Variants in PRKN observed in about 807,000 individuals in gnomAD.
PRKN encodes E3 ubiquitin-protein ligase parkin.
In PRKN, 56 loss-of-function variants were observed where a neutral mutation model predicts 59.5. That is an observed-to-expected ratio of 0.94 (90% CI 0.76 to 1.18). The LOEUF is 1.18. Among genes scored for constraint, PRKN ranks in the 50% most tolerant of loss-of-function variants. The pLI is 0.00. For missense variants in PRKN, 657 were observed against 596.4 expected, an observed-to-expected ratio of 1.10 and a Z score of -1.06; for synonymous variants, 250 against 222.1, an observed-to-expected ratio of 1.13 and a Z score of -1.12.
At chr6:162,715,667 C>A (rs181915388) in intron 1 of PRKN, among the ~76,000 whole-genome samples, 42 of 152,254 alleles carry the variant, frequency 2.8e-4, no homozygotes, top group Non-Finnish European at 4.9e-4. Context: ...TAAGATTGAG[C>A]GGTTCCTCAT....
At chr6:161,933,685 G>C (rs2128241413) in intron 6 of PRKN, among the ~76,000 whole-genome samples, 1 of 151,688 alleles carries the variant, frequency 6.6e-6, no homozygotes, top group East Asian at 2.0e-4. Context: ...GACATTTCAG[G>C]GAACCCCAGA....
At chr6:162,384,881 G>A (rs1442352508) in intron 2 of PRKN, among the ~76,000 whole-genome samples, 1 of 152,060 alleles carries the variant, frequency 6.6e-6, no homozygotes, top group African/African-American at 2.4e-5. Context: ...GGCATCAGAG[G>A]CAGCATTACA....
chr6:162,228,116 G>A (rs931240992), intron 3 of PRKN, among the ~76,000 whole-genome samples: 5 of 152,098 alleles, frequency 3.3e-5, no homozygotes, highest in African/African-American at 4.8e-5. Context: ...TGGGCATAAA[G>A]CAAATTACAA....
At chr6:162,071,794 A>T (rs1420432129) in intron 4 of PRKN, among the ~76,000 whole-genome samples, 2 of 151,888 alleles carry the variant, frequency 1.3e-5, no homozygotes, top group East Asian at 3.9e-4. Context: ...ATGGGGTTTT[A>T]CCATGTTGGC....
chr6:162,098,222 A>C (rs779442860), intron 4 of PRKN, among the ~76,000 whole-genome samples: 23 of 152,170 alleles, frequency 1.5e-4, no homozygotes, highest in Non-Finnish European at 2.8e-4. Context: ...TGTCAACTGC[A>C]AAACACTATT....
At chr6:162,152,699 TA>T in intron 4 of PRKN, among the ~76,000 whole-genome samples, 1 of 152,252 alleles carries the variant, frequency 6.6e-6, no homozygotes, top group East Asian at 1.9e-4. Context: ...AATTTCCCAA[TA>T]TTGTCAAGGA....
At chr6:162,134,040 G>A (rs1053126667) in intron 4 of PRKN, among the ~76,000 whole-genome samples, 1 of 152,204 alleles carries the variant, frequency 6.6e-6, no homozygotes, top group African/African-American at 2.4e-5. Context: ...ACAAGATTCT[G>A]TCTGATACGA....
At chr6:161,668,241 AGAAGAAACAGGTTTTTCATATAAAG>A in intron 7 of PRKN, among the ~76,000 whole-genome samples, 1 of 151,248 alleles carries the variant, frequency 6.6e-6, no homozygotes, top group South Asian at 2.1e-4. Context: ...AAAAAAAAAA[AGAAGAAACAGGTTTTTCATATAAAG>A]AAAAAAAAAA....
intron 1 of PRKN, among the ~76,000 whole-genome samples, chr6:162,641,940 TCAAA>T (rs1172148282): frequency 6.6e-6 from 1 of 152,126 alleles, no homozygotes; most frequent in Non-Finnish European, 1.5e-5. Flanking sequence ...ATTTGTTTCC[TCAAA>T]CACTCTATAG....
chr6:161,463,946 T>G lies in PRKN; in HGVS notation c.1084-77069A>C, dbSNP rs925000717. The stretch of plus-strand genomic sequence containing the variant: ...CATCAACATACAGAGACCTTTAGGG[T>G]TTTTTTTGTTTTTGTTTTTGTTTTT... On this transcript the variant is annotated intron_variant, in intron 9 of 11. Coordinates refer to ENST00000366898, the MANE Select transcript of PRKN (RefSeq NM_004562.3). This position sits in a 1 kb window ranked among gnomAD's most constrained non-coding sequence, Gnocchi z 4.8. Among the ~76,000 whole-genome samples, 1 of 151,738 alleles carries G rather than the reference T, an allele frequency of 6.6e-6. No homozygotes were observed. The highest frequency in any genetic ancestry group is 1.5e-5 in the Non-Finnish European group (1 of 67,950).
intron 2 of PRKN, among the ~76,000 whole-genome samples, chr6:162,428,292 G>A (rs575393466): frequency 6.6e-6 from 1 of 152,048 alleles, no homozygotes; most frequent in Non-Finnish European, 1.5e-5. Context: ...ACCTCATCTT[G>A]ACTGAGAATG....
intron 6 of PRKN, among the ~76,000 whole-genome samples, chr6:161,906,234 A>AT (rs1391543237): frequency 6.6e-6 from 1 of 152,150 alleles, no homozygotes; most frequent in Admixed American, 6.5e-5. Flanking sequence ...ATCATGGTAT[A>AT]TTTTTTGAAA....
intron 1 of PRKN, among the ~76,000 whole-genome samples, chr6:162,518,521 C>T (rs1287878305): frequency 6.6e-6 from 1 of 152,032 alleles, no homozygotes; most frequent in Non-Finnish European, 1.5e-5. Flanking sequence ...CGGGTGCCAC[C>T]ACGTATGGCT....
chr6:162,170,998 C>T (rs2023080), intron 4 of PRKN, among the ~76,000 whole-genome samples: 141,688 of 152,166 alleles, frequency 0.93, 66,359 homozygotes, highest in Middle Eastern at 0.98. Context: ...ATTGAACATA[C>T]ACTATGAGTG....
intron 9 of PRKN, among the ~76,000 whole-genome samples, chr6:161,485,226 G>C (rs764532899): frequency 2.0e-5 from 3 of 152,174 alleles, no homozygotes; most frequent in Non-Finnish European, 4.4e-5. Flanking sequence ...GATTTAATTT[G>C]GTAGGCTAGG....
At chr6:162,338,619 C>T (rs998614550) in intron 2 of PRKN, among the ~76,000 whole-genome samples, 7 of 152,014 alleles carry the variant, frequency 4.6e-5, no homozygotes, top group African/African-American at 1.7e-4. Context: ...CACCTCCCAG[C>T]CGCCTGCCTT....
At chr6:162,008,081 T>C (rs1474555977) in intron 5 of PRKN, among the ~76,000 whole-genome samples, 1 of 152,152 alleles carries the variant, frequency 6.6e-6, no homozygotes, top group African/African-American at 2.4e-5. Context: ...CATAACTGGA[T>C]TACCTAAGAC....
intron 7 of PRKN, among the ~76,000 whole-genome samples, chr6:161,774,732 T>C (rs1029302101): frequency 2.0e-5 from 3 of 152,218 alleles, no homozygotes; most frequent in African/African-American, 4.8e-5. Context: ...ATCTTGACCC[T>C]GTTCAGCCAC....
intron 7 of PRKN, among the ~76,000 whole-genome samples, chr6:161,722,416 A>C (rs529004511): frequency 1.3e-5 from 2 of 152,274 alleles, no homozygotes; most frequent in African/African-American, 4.8e-5. Context: ...CTGTATTATA[A>C]TTTAGTTAGC....
Sources: allele counts gnomAD v4.1 joint callset (sites outside exome capture counted in the v4.1 genomes callset), GRCh38; gene constraint gnomAD v4.1.1; non-coding constraint Gnocchi (gnomAD v3.1); transcripts MANE v1.5; gene names NCBI Gene and HGNC (gene_info 2026-07-23, HGNC 2026-07-21).